SCN10A: variants seen among roughly 807,000 people sequenced by gnomAD.
SCN10A encodes sodium channel protein type 10 subunit alpha.
SCN10A carries 162 observed loss-of-function variants against 170.7 expected under a neutral mutation model. The observed-to-expected ratio is 0.95, with a 90% CI of 0.84 to 1.08. SCN10A has a LOEUF of 1.08. Among genes scored for constraint, SCN10A ranks in the 50% least tolerant of loss-of-function variants. The pLI is 0.00. For synonymous variants in SCN10A, 985 were observed against 904.6 expected (o/e 1.09, Z -1.59); for missense variants, 2,527 against 2,436.9 (o/e 1.04, Z -0.78).
intron 14 of SCN10A, 108 bp from the exon 15 acceptor site, chr3:38,739,796 T>A: frequency 1.1e-6 from 1 of 911,534 alleles, no homozygotes; most frequent in Non-Finnish European, 1.7e-6. Context: ...AATCCTTTTG[T>A]TTTGTTCAGT....
At chr3:38,756,905 C>T in intron 9 of SCN10A, 34 bp from the exon 10 acceptor site, 17 of 1,610,862 alleles carry the variant, frequency 1.1e-5, no homozygotes, top group Non-Finnish European at 1.2e-5. Context: ...GAAACCTGTA[C>T]CCATAGCACA....
intron 13 of SCN10A, among the ~76,000 whole-genome samples, chr3:38,744,459 T>A (rs571660279): frequency 7.2e-6 from 1 of 138,194 alleles, no homozygotes; most frequent in Non-Finnish European, 1.6e-5. Flanking sequence ...ATTTGTTTTC[T>A]TTTTTTTTCA....
rs769552330 is a variant in SCN10A, at chr3:38,788,943, C to A, written c.470+13G>T. On this transcript the variant is annotated intron_variant, in intron 4 of 27. Transcript: ENST00000449082. ...AAAAGAGATGGTACAATAATGATAG[C>A]AAATCTACTCACTCAATTTTCTCTG... The A allele has an allele frequency of 6.6e-7, 1 of 1,521,262 alleles. No homozygotes were observed. Among genetic ancestry groups the A allele is most frequent in the South Asian group, 1.1e-5 (1 of 89,228 alleles). The allele number at this position is 1,521,262 out of a possible 1,614,324, so 94.2% of individuals were successfully genotyped here.
At chr3:38,746,064 T>TAC (rs1491192169) in intron 13 of SCN10A, among the ~76,000 whole-genome samples, 1 of 8,234 alleles carries the variant, frequency 1.2e-4, no homozygotes, top group African/African-American at 2.3e-4. Context: ...TGTGTATGTG[T>TAC]ATATATATAT....
At chr3:38,749,471 C>G (rs1228689021) in intron 13 of SCN10A, among the ~76,000 whole-genome samples, 1 of 152,206 alleles carries the variant, frequency 6.6e-6, no homozygotes, top group Non-Finnish European at 1.5e-5. Flanking sequence ...CATTGCCACT[C>G]TCTTCCTCTA....
chr3:38,708,669 T>C (rs1376415969), intron 25 of SCN10A, among the ~76,000 whole-genome samples: 2 of 152,214 alleles, frequency 1.3e-5, no homozygotes, highest in South Asian at 2.1e-4. Context: ...GTGATCTTTG[T>C]TCAGGATTTT....
At chr3:38,799,045 A>G (rs2064356571) in intron 1 of SCN10A, among the ~76,000 whole-genome samples, 1 of 151,902 alleles carries the variant, frequency 6.6e-6, no homozygotes, top group African/African-American at 2.4e-5. Flanking sequence ...AGCCTCCCAA[A>G]GTGCTAGGAT....
chr3:38,810,464 A>C (rs2064433429), intron 1 of SCN10A, among the ~76,000 whole-genome samples: 1 of 152,156 alleles, frequency 6.6e-6, no homozygotes, highest in African/African-American at 2.4e-5. Flanking sequence ...CTAGATGGCA[A>C]ATTTGGACAA....
chr3:38,756,208 G>A (rs1208448988), intron 10 of SCN10A, among the ~76,000 whole-genome samples: 1 of 152,108 alleles, frequency 6.6e-6, no homozygotes, highest in African/African-American at 2.4e-5. Flanking sequence ...ATCCCGAGCT[G>A]CTTGCATGGC....
intron 25 of SCN10A, among the ~76,000 whole-genome samples, 180 bp downstream of exon 25, chr3:38,709,298 G>A (rs1010210257): frequency 1.7e-4 from 26 of 152,174 alleles, no homozygotes; most frequent in African/African-American, 5.6e-4. Flanking sequence ...GGGCATTGCT[G>A]ACAGAGAGAA....
At chr3:38,733,055 A>C (rs528065454) in intron 15 of SCN10A, among the ~76,000 whole-genome samples, 80 of 152,338 alleles carry the variant, frequency 5.3e-4, no homozygotes, top group African/African-American at 1.9e-3. Flanking sequence ...GGGGAAAGGA[A>C]AGCAAAGAAA....
In SCN10A at chr3:38,728,637, C is replaced by G; in HGVS notation, c.2545G>C (p.Glu849Gln). Residue 849 changes from glutamate to glutamine, a missense_variant, in exon 16 of 28, where the codon GAG (glutamate) becomes CAG (glutamine). Glu to Gln is a conservative substitution (Grantham distance 29). Coordinates refer to ENST00000449082, the MANE Select transcript of SCN10A (RefSeq NM_006514.4). ...CAGGCCCACATGTTCTCAATCCACT[C>G]TCCACAGAGGATACGGAAGACAATG... is the stretch of plus-strand genomic sequence containing the variant. Reference protein sequence around the residue: ...FLIVFRILCGEWIENMWACME... With the variant: ...FLIVFRILCGQWIENMWACME... The G allele has an allele frequency of 6.2e-7, 1 of 1,614,172 alleles. No individual in the cohort carries two copies. Among genetic ancestry groups the G allele is most frequent in the Non-Finnish European group, 8.5e-7 (1 of 1,180,006 alleles).
chr3:38,709,409 T>G, intron 25 of SCN10A, 69 bp downstream of exon 25: 1 of 1,499,712 alleles, frequency 6.7e-7, no homozygotes, highest in Non-Finnish European at 9.0e-7. Flanking sequence ...AGGCCAGAGC[T>G]GGGCAGGGAA....
chr3:38,702,092 A>G lies in SCN10A; in HGVS notation c.4404T>C (p.Phe1468=), dbSNP rs1210039298. 2 of 1,560,184 alleles carry G rather than the reference A, an allele frequency of 1.3e-6. No individual in the cohort carries two copies. The highest frequency in any genetic ancestry group is 8.7e-7 in the Non-Finnish European group (1 of 1,154,730). Residue 1468 remains phenylalanine, a synonymous_variant, in exon 27 of 28, where the codon TTT becomes TTC. Coordinates refer to ENST00000449082, the MANE Select transcript of SCN10A (RefSeq NM_006514.4). ...IPRPLNKFQG[F]VFDIVTRQAF... is the part of the protein sequence containing the mutation. The stretch of plus-strand genomic sequence containing the variant: ...CTTGTCTGGTCACGATGTCAAAGAC[A>G]AAACCCTGGAACTTGTTCTGAGAAA...
rs753427557 is a variant in SCN10A, at chr3:38,722,360, C to T, written c.3405G>A (p.Trp1135Ter). The change falls in exon 20 of 28, where the codon TGG becomes TGA. Residue 1135 changes from tryptophan to a stop codon, truncating the protein, a stop_gained. Coordinates refer to ENST00000449082, the MANE Select transcript of SCN10A (RefSeq NM_006514.4). LOFTEE classifies it high-confidence loss of function. ...CCKLDTTKSP[W>*]DVGWQVRKTC... The stretch of plus-strand genomic sequence containing the variant: ...TCTTGCGCACCTGCCAGCCCACATC[C>T]CATGGACTCTTGGTGGTATCCAGTT... 11 of 1,614,146 alleles carry T rather than the reference C, an allele frequency of 6.8e-6. No individual in the cohort carries two copies. The highest frequency in any genetic ancestry group is 9.3e-6 in the Non-Finnish European group (11 of 1,180,016).
chr3:38,792,678 C>T (rs970454588), intron 2 of SCN10A, among the ~76,000 whole-genome samples: 5 of 152,180 alleles, frequency 3.3e-5, no homozygotes, highest in African/African-American at 1.2e-4. Context: ...ATATTCAGTG[C>T]CTTTTTATTT....
intron 6 of SCN10A, among the ~76,000 whole-genome samples, chr3:38,762,831 G>A (rs767798619): frequency 2.6e-5 from 4 of 152,126 alleles, no homozygotes; most frequent in Non-Finnish European, 5.9e-5. Context: ...ACGAATTCTT[G>A]GGGTGAGAGG....
At chr3:38,810,506 A>C (rs963510826) in intron 1 of SCN10A, among the ~76,000 whole-genome samples, 3 of 152,230 alleles carry the variant, frequency 2.0e-5, no homozygotes, top group Non-Finnish European at 2.9e-5. Flanking sequence ...GCTAAAGCTT[A>C]AATGTCACTT....
At chr3:38,811,547 A>T (rs2064441453) in intron 1 of SCN10A, among the ~76,000 whole-genome samples, 2 of 152,214 alleles carry the variant, frequency 1.3e-5, no homozygotes, top group Admixed American at 6.5e-5. Context: ...AGGAAGCAAT[A>T]AATTAATCTT....
Sources: gnomAD v4.1 joint callset for allele counts (sites outside exome capture counted in the v4.1 genomes callset) on GRCh38, gnomAD v4.1.1 for gene constraint, MANE v1.5 for transcripts, NCBI Gene and HGNC (gene_info 2026-07-23, HGNC 2026-07-21) for gene names.